RIMS2: variants seen among roughly 807,000 people sequenced by gnomAD.
The protein encoded by RIMS2 is regulating synaptic membrane exocytosis 2.
RIMS2 carries 59 observed loss-of-function variants against 174.4 expected under a neutral mutation model. The ratio of observed to expected loss-of-function variants is 0.34; its 90% CI spans 0.27 to 0.42. RIMS2 has a LOEUF of 0.42. Among genes scored for constraint, RIMS2 ranks in the 10% least tolerant of loss-of-function variants. RIMS2 has a pLI of 1.00. For missense variants in RIMS2, 1,620 were observed against 1,666.3 expected (o/e 0.97, Z 0.48); for synonymous variants, 606 against 572.5 (o/e 1.06, Z -0.84).
chr8:103,552,797 A>C (rs1021221749), intron 1 of RIMS2, among the ~76,000 whole-genome samples: 1 of 152,240 alleles, frequency 6.6e-6, no homozygotes, highest in African/African-American at 2.4e-5. Context: ...ATATGAACAG[A>C]CACTTCTCAA....
At chr8:103,934,739 C>T (rs538558639) in intron 12 of RIMS2, among the ~76,000 whole-genome samples, 10 of 150,806 alleles carry the variant, frequency 6.6e-5, no homozygotes, top group African/African-American at 2.4e-4. Context: ...CTCTTTTTGC[C>T]CAGGCTGGAG....
At chr8:103,844,104 G>A (rs1310360544) in intron 3 of RIMS2, among the ~76,000 whole-genome samples, 1 of 152,158 alleles carries the variant, frequency 6.6e-6, no homozygotes, top group African/African-American at 2.4e-5. Flanking sequence ...CTTCTGCCAC[G>A]ATTGTGAGGC....
chr8:103,871,571 C>T (rs1005820600), intron 3 of RIMS2, among the ~76,000 whole-genome samples: 3 of 151,990 alleles, frequency 2.0e-5, no homozygotes, highest in Admixed American at 2.0e-4. Flanking sequence ...GTCTGACACT[C>T]TTCCTGCTTA....
intron 19 of RIMS2, among the ~76,000 whole-genome samples, chr8:104,127,123 T>C (rs2098438252): frequency 6.6e-6 from 1 of 152,224 alleles, no homozygotes; most frequent in African/African-American, 2.4e-5. Context: ...TTTTACATTT[T>C]AGTTAAGTAT....
At chr8:104,236,354 C>G (rs1006559561) in intron 19 of RIMS2, among the ~76,000 whole-genome samples, 2 of 151,966 alleles carry the variant, frequency 1.3e-5, no homozygotes, top group African/African-American at 4.8e-5. Context: ...ATTCTGTTCT[C>G]TAAAAATTAT....
intron 17 of RIMS2, among the ~76,000 whole-genome samples, chr8:104,000,447 T>C (rs1385243899): frequency 6.6e-6 from 1 of 152,008 alleles, no homozygotes; most frequent in East Asian, 1.9e-4. Context: ...ATTTTATTTA[T>C]GCATTCATTT....
chr8:103,961,591 GT>G, intron 15 of RIMS2, among the ~76,000 whole-genome samples: 1 of 152,172 alleles, frequency 6.6e-6, no homozygotes, highest in South Asian at 2.1e-4. Flanking sequence ...TAGTATTGTA[GT>G]TTAAAATATT....
intron 1 of RIMS2, among the ~76,000 whole-genome samples, chr8:103,651,829 T>C (rs2096457876): frequency 6.6e-6 from 1 of 152,122 alleles, no homozygotes; most frequent in South Asian, 2.1e-4. Context: ...ATGCCTTTAC[T>C]TCAATATTAA....
intron 1 of RIMS2, among the ~76,000 whole-genome samples, chr8:103,657,208 A>G (rs2096542141): frequency 6.6e-6 from 1 of 152,194 alleles, no homozygotes; most frequent in African/African-American, 2.4e-5. Flanking sequence ...CTAAAGACCA[A>G]AACCTATTCA....
chr8:103,837,710 C>T (rs1356796337), intron 3 of RIMS2, among the ~76,000 whole-genome samples: 30 of 152,256 alleles, frequency 2.0e-4, no homozygotes, highest in African/African-American at 6.7e-4. Context: ...TTTATGGCTG[C>T]ATAGTATTCC....
At chr8:104,143,181 T>A (rs2098600099) in intron 19 of RIMS2, among the ~76,000 whole-genome samples, 1 of 152,226 alleles carries the variant, frequency 6.6e-6, no homozygotes, top group Non-Finnish European at 1.5e-5. Context: ...TCATAATAGG[T>A]GTTCAGTAAA....
intron 2 of RIMS2, among the ~76,000 whole-genome samples, chr8:103,764,018 A>C (rs969964955): frequency 1.3e-5 from 2 of 152,246 alleles, no homozygotes; most frequent in Non-Finnish European, 2.9e-5. Context: ...ATTGCTGGGC[A>C]CTGCCCCAGA....
At chr8:104,069,578 C>T (rs1188592597) in intron 19 of RIMS2, among the ~76,000 whole-genome samples, 1 of 147,476 alleles carries the variant, frequency 6.8e-6, no homozygotes, top group African/African-American at 2.5e-5. Flanking sequence ...AAGCGATTCT[C>T]CTGCCTCAGC....
At chr8:103,702,235 T>C (rs1325319364) in intron 2 of RIMS2, among the ~76,000 whole-genome samples, 2 of 152,190 alleles carry the variant, frequency 1.3e-5, no homozygotes, top group Non-Finnish European at 2.9e-5. Flanking sequence ...TTGTATTCTT[T>C]TGAGAAATGT....
chr8:104,070,757 G>A (rs898571288), intron 19 of RIMS2, among the ~76,000 whole-genome samples: 1 of 152,064 alleles, frequency 6.6e-6, no homozygotes, highest in Non-Finnish European at 1.5e-5. Flanking sequence ...GAATGTAGAT[G>A]ATTTATAAAA....
At chr8:103,835,848 A>G (rs2154482205) in intron 3 of RIMS2, among the ~76,000 whole-genome samples, 1 of 152,354 alleles carries the variant, frequency 6.6e-6, no homozygotes, top group Admixed American at 6.5e-5. Flanking sequence ...TATATTGAGA[A>G]TATATAACTT....
chr8:103,926,194 A>G (rs1415489548), intron 10 of RIMS2, among the ~76,000 whole-genome samples: 1 of 151,564 alleles, frequency 6.6e-6, no homozygotes, highest in Non-Finnish European at 1.5e-5. Context: ...TTTTTGGTCT[A>G]AAACAAAACA....
chr8:103,661,908 A>G (rs59382988), intron 1 of RIMS2, among the ~76,000 whole-genome samples: 18,902 of 152,250 alleles, frequency 0.12, 1,276 homozygotes, highest in Middle Eastern at 0.22. Context: ...TTGTTCTAAA[A>G]TACAATTTTG....
intron 14 of RIMS2, among the ~76,000 whole-genome samples, chr8:103,953,853 G>A (rs1318697131): frequency 6.6e-6 from 1 of 151,940 alleles, no homozygotes; most frequent in Non-Finnish European, 1.5e-5. Flanking sequence ...GTATTCAGGA[G>A]ACCCATCTCA....
Sources: gnomAD v4.1 joint callset for allele counts (sites outside exome capture counted in the v4.1 genomes callset) on GRCh38, gnomAD v4.1.1 for gene constraint, MANE v1.5 for transcripts, NCBI Gene and HGNC (gene_info 2026-07-23, HGNC 2026-07-21) for gene names.